MRTFB: variants seen among roughly 807,000 people sequenced by gnomAD.
MRTFB encodes the protein myocardin-related transcription factor B.
MRTFB carries 29 observed loss-of-function variants against 104.2 expected under a neutral mutation model. The ratio of observed to expected loss-of-function variants is 0.28; its 90% confidence interval spans 0.21 to 0.38. MRTFB has a LOEUF of 0.38. MRTFB is among the 10% of genes least tolerant of loss of function. MRTFB has a pLI of 1.00. For missense variants in MRTFB, 1,270 were observed against 1,341.6 expected, an observed-to-expected ratio of 0.95 and a Z score of 0.83; for synonymous variants, 535 against 519.5, an observed-to-expected ratio of 1.03 and a Z score of -0.41.
At chr16:14,031,127 C>T in the MRTFB span, among the ~76,000 whole-genome samples, 10 of 152,310 alleles carry the variant, frequency 6.6e-5, no homozygotes, top group East Asian at 3.9e-4. Context: ...TGCGATAGCT[C>T]ATGCCTGTAA....
At chr16:14,052,000 C>T in the MRTFB span, among the ~76,000 whole-genome samples, 1 of 152,182 alleles carries the variant, frequency 6.6e-6, no homozygotes, top group Non-Finnish European at 1.5e-5. Context: ...CTCTTCCTCT[C>T]ACATCAAGTT....
chr16:14,182,047 G>A (rs866123352), intron 3 of MRTFB, among the ~76,000 whole-genome samples: 5 of 148,826 alleles, frequency 3.4e-5, no homozygotes, highest in Non-Finnish European at 2.9e-5. Context: ...AATGTTACTC[G>A]TGACATTAGA....
intron 3 of MRTFB, among the ~76,000 whole-genome samples, chr16:14,172,039 T>A (rs1421401306): frequency 6.6e-6 from 1 of 152,184 alleles, no homozygotes; most frequent in Non-Finnish European, 1.5e-5. Flanking sequence ...TTTTATTCAT[T>A]TCTGAGTACT....
the MRTFB span, among the ~76,000 whole-genome samples, chr16:13,998,871 C>CAAAAAAAA: frequency 7.7e-4 from 23 of 29,686 alleles, 4 homozygotes; most frequent in East Asian, 1.4e-3. Flanking sequence ...GACTCTGTTT[C>CAAAAAAAA]AAAAAAAAAA....
intron 2 of MRTFB, among the ~76,000 whole-genome samples, chr16:14,096,733 A>C (rs1484765645): frequency 6.6e-6 from 1 of 152,246 alleles, no homozygotes; most frequent in Non-Finnish European, 1.5e-5. Context: ...GCTATGGTAC[A>C]GAATGTTGTC....
chr16:14,201,169 A>G (rs1440958202), intron 3 of MRTFB, among the ~76,000 whole-genome samples: 2 of 152,216 alleles, frequency 1.3e-5, no homozygotes, highest in African/African-American at 2.4e-5. Context: ...GCGAGAAAGT[A>G]TATGTTGGCA....
chr16:14,063,707 G>A, the MRTFB span, among the ~76,000 whole-genome samples: 7 of 152,140 alleles, frequency 4.6e-5, no homozygotes, highest in Middle Eastern at 3.2e-3. Context: ...CACCTCTGCC[G>A]CACCCAGTGC....
chr16:14,183,999 A>G (rs1185241621), intron 3 of MRTFB, among the ~76,000 whole-genome samples: 1 of 150,070 alleles, frequency 6.7e-6, no homozygotes, highest in Non-Finnish European at 1.5e-5. Context: ...TTGTGCATCT[A>G]CTGAGATTTA....
rs1334006708 is a variant in MRTFB at position 14,072,792 on chromosome 16, A to C, written c.-129+1427A>C. Among the ~76,000 whole-genome samples the C allele has an allele frequency of 2.0e-5, 3 of 152,374 alleles. No individual in the cohort carries two copies. The East Asian group carries it at 5.8e-4, about 29-fold the overall frequency. On this transcript the variant is annotated intron_variant, in intron 1 of 16. Transcript: ENST00000571589. ...AACAACCTAGATTGAACTAGGGATA[A>C]CATGGCAAGACAAATAACAGACTGT...
At chr16:14,218,765 A>G in intron 7 of MRTFB, 55 bp from the exon 8 acceptor site, 1 of 1,495,166 alleles carries the variant, frequency 6.7e-7, no homozygotes, top group South Asian at 1.3e-5. Flanking sequence ...CTTCACATTA[A>G]GCTTGGTATT....
At chr16:14,049,139 T>C in the MRTFB span, among the ~76,000 whole-genome samples, 29 of 152,302 alleles carry the variant, frequency 1.9e-4, no homozygotes, top group African/African-American at 6.7e-4. Flanking sequence ...CTAAACACCC[T>C]ACAGCTCATA....
intron 15 of MRTFB, among the ~76,000 whole-genome samples, chr16:14,253,369 ACT>A (rs1338229062): frequency 6.6e-6 from 1 of 152,200 alleles, no homozygotes; most frequent in Non-Finnish European, 1.5e-5. Flanking sequence ...TCCAAGCGGT[ACT>A]GTTTATTATC....
At chr16:14,087,313 T>C (rs1264961581) in intron 2 of MRTFB, among the ~76,000 whole-genome samples, 2 of 152,206 alleles carry the variant, frequency 1.3e-5, no homozygotes, top group Non-Finnish European at 2.9e-5. Flanking sequence ...GTTAAGGATA[T>C]GTACTGAACC....
rs1339503576 is a variant in MRTFB, at chr16:14,175,417, A to AT, written c.154+34659dup. On this transcript the variant is annotated intron_variant, in intron 3 of 16. Transcript: ENST00000571589. ...CTGCTTCATTCAGCATAATTTTGAG[A>AT]TTCATCCATGTTGTTTATGTAATTC... Among the ~76,000 whole-genome samples, 10 of 152,174 alleles carry AT rather than the reference A, an allele frequency of 6.6e-5. No individual in the cohort carries two copies. In the East Asian group the frequency reaches 1.9e-3, roughly 29 times the overall value.
intron 3 of MRTFB, chr16:14,201,022 T>A: frequency 6.8e-7 from 1 of 1,475,532 alleles, no homozygotes; most frequent in East Asian, 2.3e-5. Flanking sequence ...ACTGAAGAGA[T>A]AAGTCTTGAC....
At chr16:14,225,078 C>T (rs933466075) in intron 8 of MRTFB, among the ~76,000 whole-genome samples, 8 of 151,974 alleles carry the variant, frequency 5.3e-5, no homozygotes, top group East Asian at 1.9e-4. Context: ...CCCAGCTACT[C>T]GGGAGGCTGA....
intron 8 of MRTFB, among the ~76,000 whole-genome samples, chr16:14,222,201 TTGAG>T (rs1312175584): frequency 3.3e-5 from 5 of 152,154 alleles, no homozygotes; most frequent in African/African-American, 1.2e-4. Context: ...AGACCATACT[TTGAG>T]TGAAATCTCT....
At chr16:14,186,045 C>G (rs999867794) in intron 3 of MRTFB, among the ~76,000 whole-genome samples, 4 of 152,156 alleles carry the variant, frequency 2.6e-5, no homozygotes, top group African/African-American at 9.7e-5. Flanking sequence ...GCTTTTAATG[C>G]ATGGGGGGAG....
chr16:14,104,210 A>C lies in MRTFB; in HGVS notation c.-64+24856A>C, dbSNP rs1336907428. ...ACTGAAATTTAGCCAGAAAGACTGA[A>C]CACTGTGTATTTATTCAGATAGGAA... On this transcript the variant is annotated intron_variant, in intron 2 of 16. Coordinates refer to ENST00000571589, the MANE Select transcript of MRTFB (RefSeq NM_001308142.2). Among the ~76,000 whole-genome samples the C allele has an allele frequency of 2.0e-5, 3 of 152,218 alleles. No homozygotes were observed. The East Asian group carries it at 5.8e-4, about 29-fold the overall frequency.
Sources: gnomAD v4.1 joint callset for allele counts (sites outside exome capture counted in the v4.1 genomes callset) on GRCh38, gnomAD v4.1.1 for gene constraint, MANE v1.5 for transcripts, NCBI Gene and HGNC (gene_info 2026-07-23, HGNC 2026-07-21) for gene names.